The following PTPRD variants were observed in gnomAD, a reference collection of about 807,000 sequenced individuals.
The protein encoded by PTPRD is protein tyrosine phosphatase receptor type D, also known as receptor-type tyrosine-protein phosphatase delta.
In PTPRD, 34 loss-of-function variants were observed where a neutral mutation model predicts 214.5. The ratio of observed to expected loss-of-function variants is 0.16; its 90% CI spans 0.12 to 0.21. The LOEUF (loss-of-function observed/expected upper bound fraction) is 0.21. Ranked by LOEUF, PTPRD falls within the 10% of genes least tolerant of loss-of-function variation. PTPRD has a pLI of 1.00. For missense variants in PTPRD, 2,545 were observed against 2,398.7 expected, an observed-to-expected ratio of 1.06 and a Z score of -1.27; for synonymous variants, 1,128 against 845.7, an observed-to-expected ratio of 1.33 and a Z score of -5.79.
intron 8 of PTPRD, among the ~76,000 whole-genome samples, chr9:9,510,164 T>A (rs2096666088): frequency 6.6e-6 from 1 of 151,766 alleles, no homozygotes; most frequent in African/African-American, 2.4e-5. Flanking sequence ...AGCTTTCTGT[T>A]TTTCACAAAT....
At chr9:8,526,411 C>A (rs1307967573) in intron 17 of PTPRD, among the ~76,000 whole-genome samples, 1 of 149,844 alleles carries the variant, frequency 6.7e-6, no homozygotes, top group Non-Finnish European at 1.5e-5. Flanking sequence ...TAATCATTTT[C>A]ATAAAGAAAG....
chr9:10,274,509 G>C (rs2094576047), intron 3 of PTPRD, among the ~76,000 whole-genome samples: 1 of 152,106 alleles, frequency 6.6e-6, no homozygotes, highest in Admixed American at 6.5e-5. Flanking sequence ...GATCTAAATT[G>C]ATATTTAAAT....
At chr9:9,637,616 C>G (rs779956622) in intron 7 of PTPRD, among the ~76,000 whole-genome samples, 1 of 152,218 alleles carries the variant, frequency 6.6e-6, no homozygotes, top group African/African-American at 2.4e-5. Context: ...TGGGTGCAGA[C>G]CATGCTTTAG....
intron 2 of PTPRD, among the ~76,000 whole-genome samples, chr9:10,421,843 G>C (rs995769982): frequency 6.6e-6 from 1 of 151,066 alleles, no homozygotes; most frequent in African/African-American, 2.4e-5. Flanking sequence ...TTTCTGCTTT[G>C]GTTAATTTTA....
chr9:8,340,749 ATTAC>A (rs3835152), intron 41 of PTPRD, among the ~76,000 whole-genome samples: 20,763 of 152,088 alleles, frequency 0.14, 1,865 homozygotes, highest in East Asian at 0.34. Context: ...TGTCATACAA[ATTAC>A]TTAAGAAACA....
chr9:9,264,947 C>A (rs931875163), intron 9 of PTPRD, among the ~76,000 whole-genome samples: 2 of 150,350 alleles, frequency 1.3e-5, no homozygotes, highest in African/African-American at 4.9e-5. Flanking sequence ...AGCTGTCTGT[C>A]CGTCAGAAAT....
chr9:8,631,170 A>T (rs1432499386), intron 14 of PTPRD, among the ~76,000 whole-genome samples: 4 of 151,938 alleles, frequency 2.6e-5, no homozygotes, highest in Non-Finnish European at 4.4e-5. Flanking sequence ...TACTTTCCAT[A>T]GTGCATATTA....
rs550953844 is a variant in PTPRD, at chr9:10,190,713, T to G, written c.-545+150250A>C. Among the ~76,000 whole-genome samples, 11 of 108,168 alleles carry G rather than the reference T, an allele frequency of 1.0e-4. No individual in the cohort carries two copies. The South Asian group carries it at 3.3e-3, about 33-fold the overall frequency. 71.0% of individuals were successfully genotyped at this position (108,168 alleles called of 152,430 possible). A position where few individuals can be genotyped will look rare whatever the true frequency, so the allele number is the denominator to read the frequency against. ...AGCCTGGGCAACAAGAGCAAAACTC[T>G]GTCTCAAAAAAAAAAAAAAAAAAAA... On this transcript the variant is annotated intron_variant, in intron 3 of 45. Coordinates refer to ENST00000381196, the MANE Select transcript of PTPRD (RefSeq NM_002839.4).
chr9:8,492,976 T>G lies in PTPRD; in HGVS notation c.2353A>C (p.Met785Leu). 6.2e-7 allele frequency: 1 copy of G among 1,609,188 alleles called. No individual in the cohort carries two copies. Among genetic ancestry groups the G allele is most frequent in the Non-Finnish European group, 8.5e-7 (1 of 1,175,782 alleles). ...WEFDDTTEHD[M>L]IISGLQPETS... ...TCAGGCTGGAGCCCAGAAATGATCATGTCCTGAAATGACAAAATAGAATGT... is the reference window on the plus strand; with the variant it reads ...TCAGGCTGGAGCCCAGAAATGATCAGGTCCTGAAATGACAAAATAGAATGT... The change falls in exon 27 of 46, where the codon ATG becomes CTG. Residue 785 changes from methionine to leucine, a missense_variant. Transcript: ENST00000381196.
At chr9:9,823,369 C>G (rs1598820072) in intron 5 of PTPRD, among the ~76,000 whole-genome samples, 1 of 152,062 alleles carries the variant, frequency 6.6e-6, no homozygotes, top group East Asian at 1.9e-4. Flanking sequence ...TTTAAATGAC[C>G]AGATCTCGTG....
chr9:8,543,470 T>C (rs1012917484), intron 14 of PTPRD, among the ~76,000 whole-genome samples: 1 of 152,204 alleles, frequency 6.6e-6, no homozygotes, highest in African/African-American at 2.4e-5. Flanking sequence ...ATAATGTATG[T>C]GCATTCACTA....
In PTPRD at chr9:10,168,559, T is replaced by C. The variant is rs560020908; in HGVS notation, c.-544-134769A>G. Among the ~76,000 whole-genome samples, 34 of 152,364 alleles carry C rather than the reference T, an allele frequency of 2.2e-4. No individual in the cohort carries two copies. The South Asian group carries it at 6.6e-3, about 30-fold the overall frequency. On this transcript the variant is annotated intron_variant, in intron 3 of 45. Coordinates refer to ENST00000381196, the MANE Select transcript of PTPRD (RefSeq NM_002839.4). ...AAATTCACAAGAACAGCATCTTTTG[T>C]GCTTCTCTTTCTCTGAAAATACCAA...
chr9:9,455,800 A>G (rs1158735841), intron 8 of PTPRD, among the ~76,000 whole-genome samples: 2 of 151,810 alleles, frequency 1.3e-5, no homozygotes, highest in African/African-American at 4.8e-5. Flanking sequence ...AGCTACTGTG[A>G]AATAGTTTTT....
At chr9:9,357,971 T>A (rs998464284) in intron 9 of PTPRD, among the ~76,000 whole-genome samples, 1 of 151,358 alleles carries the variant, frequency 6.6e-6, no homozygotes, top group East Asian at 1.9e-4. Flanking sequence ...AGAGAGAAAC[T>A]ATTTCTCTGG....
At chr9:10,412,167 C>T (rs2098442566) in intron 2 of PTPRD, among the ~76,000 whole-genome samples, 1 of 151,620 alleles carries the variant, frequency 6.6e-6, no homozygotes, top group Admixed American at 6.6e-5. Flanking sequence ...CTCAACTTAA[C>T]ATAAGCTATA....
intron 2 of PTPRD, among the ~76,000 whole-genome samples, chr9:10,546,845 G>C (rs1193200067): frequency 1.3e-5 from 2 of 152,060 alleles, no homozygotes; most frequent in African/African-American, 4.8e-5. Context: ...AGCAAAATAG[G>C]GAAAAATAGA....
rs1247095033 is a variant in PTPRD, at chr9:9,237,430, T to G, written c.-202-54067A>C. ...GGGTGACAGAGTGAGACCCTATCTT[T>G]ACAACAACACCACCACCACCCAACA... On this transcript the variant is annotated intron_variant, in intron 9 of 45. Transcript: ENST00000381196. Among the ~76,000 whole-genome samples the G allele has an allele frequency of 2.6e-5, 4 of 152,130 alleles. No homozygotes were observed. The South Asian group carries it at 8.3e-4, about 32-fold the overall frequency.
At chr9:9,687,797 T>C (rs1045021259) in intron 7 of PTPRD, among the ~76,000 whole-genome samples, 1 of 151,854 alleles carries the variant, frequency 6.6e-6, no homozygotes, top group Non-Finnish European at 1.5e-5. Flanking sequence ...GGTCTACTTA[T>C]GAGATAATTA....
intron 14 of PTPRD, among the ~76,000 whole-genome samples, chr9:8,545,348 A>C (rs917735186): frequency 6.6e-6 from 1 of 152,226 alleles, no homozygotes; most frequent in African/African-American, 2.4e-5. Flanking sequence ...AACAGAGTTA[A>C]TCGGGGGTAC....
Sources: allele counts gnomAD v4.1 joint callset (sites outside exome capture counted in the v4.1 genomes callset), GRCh38; gene constraint gnomAD v4.1.1; transcripts MANE v1.5; gene names NCBI Gene and HGNC (gene_info 2026-07-23, HGNC 2026-07-21).